The following OPCML variants were observed in gnomAD, a reference collection of about 807,000 sequenced individuals.
OPCML encodes the protein opioid binding protein/cell adhesion molecule like.
A neutral mutation model predicts 37.8 loss-of-function variants in OPCML; 13 were observed. The ratio of observed to expected loss-of-function variants is 0.34; its 90% CI spans 0.22 to 0.55. OPCML has a LOEUF of 0.55. Ranked by LOEUF, OPCML falls within the 20% of genes least tolerant of loss-of-function variation. OPCML has a pLI of 0.91. For synonymous variants in OPCML, 176 were observed against 168.8 expected, an observed-to-expected ratio of 1.04 and a Z score of -0.33; for missense variants, 341 against 435.6, an observed-to-expected ratio of 0.78 and a Z score of 1.93.
chr11:132,431,412 G>T (rs2095996485), intron 7 of OPCML, among the ~76,000 whole-genome samples: 1 of 152,212 alleles, frequency 6.6e-6, no homozygotes, highest in African/African-American at 2.4e-5. Flanking sequence ...TCCACATCGG[G>T]CCACTTTTCC....
chr11:132,592,111 G>A (rs1241462848), intron 3 of OPCML, among the ~76,000 whole-genome samples: 2 of 152,208 alleles, frequency 1.3e-5, no homozygotes, highest in African/African-American at 2.4e-5. Context: ...AAAGCTATAC[G>A]AAGAGCAATA....
chr11:132,982,131 C>A (rs191015916), intron 1 of OPCML, among the ~76,000 whole-genome samples: 7 of 152,148 alleles, frequency 4.6e-5, no homozygotes, highest in African/African-American at 1.7e-4. Flanking sequence ...CAGACCAATT[C>A]GGCTACTCTT....
intron 3 of OPCML, among the ~76,000 whole-genome samples, chr11:132,540,959 C>CG (rs971226919): frequency 1.3e-5 from 2 of 152,168 alleles, no homozygotes; most frequent in African/African-American, 4.8e-5. Flanking sequence ...TTCCTTTCCC[C>CG]CCCGACTTGT....
chr11:132,788,374 A>T (rs1407704828), intron 2 of OPCML, among the ~76,000 whole-genome samples: 1 of 152,022 alleles, frequency 6.6e-6, no homozygotes, highest in African/African-American at 2.4e-5. Flanking sequence ...AACTCCATCA[A>T]TTCTGTCTCC....
chr11:133,005,095 C>T, intron 1 of OPCML: 1 of 985,350 alleles, frequency 1.0e-6, no homozygotes, highest in Non-Finnish European at 1.2e-6. Context: ...TTCATGGCTT[C>T]CCATGAAGTT....
chr11:132,763,369 A>G (rs1287470132), intron 2 of OPCML, among the ~76,000 whole-genome samples: 5 of 152,190 alleles, frequency 3.3e-5, no homozygotes, highest in African/African-American at 1.2e-4. Context: ...ATATTAATAT[A>G]TTACAGGAGG....
At chr11:132,892,000 A>G (rs1387747542) in intron 2 of OPCML, among the ~76,000 whole-genome samples, 1 of 152,052 alleles carries the variant, frequency 6.6e-6, no homozygotes, top group Admixed American at 6.5e-5. Flanking sequence ...CACTGCATGG[A>G]TTTCCAGCTC....
At chr11:132,830,452 C>T (rs1940621440) in intron 2 of OPCML, among the ~76,000 whole-genome samples, 1 of 152,204 alleles carries the variant, frequency 6.6e-6, no homozygotes. Flanking sequence ...ATTTGATTAA[C>T]CAGCTCACAG....
chr11:133,032,008 T>A (rs1445064474), intron 1 of OPCML, among the ~76,000 whole-genome samples: 1 of 152,214 alleles, frequency 6.6e-6, no homozygotes, highest in Non-Finnish European at 1.5e-5. Flanking sequence ...GCCATTTATC[T>A]GGAGCTAAAT....
intron 1 of OPCML, among the ~76,000 whole-genome samples, chr11:133,494,191 G>C (rs927368440): frequency 6.6e-6 from 1 of 152,128 alleles, no homozygotes; most frequent in Non-Finnish European, 1.5e-5. Context: ...ACACCACTTA[G>C]AATGGCGATC....
chr11:132,971,290 T>C (rs1946338435), intron 1 of OPCML, among the ~76,000 whole-genome samples: 1 of 152,226 alleles, frequency 6.6e-6, no homozygotes, highest in South Asian at 2.1e-4. Flanking sequence ...AATTTCCCAA[T>C]GGCTTTCATA....
chr11:133,210,049 C>A (rs74820488), intron 1 of OPCML, among the ~76,000 whole-genome samples: 1 of 152,264 alleles, frequency 6.6e-6, no homozygotes, highest in East Asian at 1.9e-4. Flanking sequence ...CACACCTCTC[C>A]GTACGTGCTA....
chr11:132,873,101 A>G (rs1397022669), intron 2 of OPCML, among the ~76,000 whole-genome samples: 2 of 152,174 alleles, frequency 1.3e-5, no homozygotes, highest in Non-Finnish European at 1.5e-5. Flanking sequence ...GCTACCTTTC[A>G]GGCTGGGGTT....
At chr11:133,140,946 C>CGAAGACGACGAA (rs1491151678) in intron 1 of OPCML, among the ~76,000 whole-genome samples, 1 of 4,650 alleles carries the variant, frequency 2.2e-4, no homozygotes, top group African/African-American at 4.0e-4. Context: ...AAGAAGAAGA[C>CGAAGACGACGAA]GACGAAGAAG....
intron 1 of OPCML, among the ~76,000 whole-genome samples, chr11:133,207,602 A>G (rs1405063697): frequency 6.6e-6 from 1 of 152,210 alleles, no homozygotes; most frequent in African/African-American, 2.4e-5. Context: ...GGTTAGCAGA[A>G]CTAGATGACT....
intron 2 of OPCML, among the ~76,000 whole-genome samples, chr11:132,737,689 A>G (rs974899200): frequency 1.3e-5 from 2 of 152,178 alleles, no homozygotes; most frequent in Admixed American, 6.5e-5. Flanking sequence ...ACTTTTGAAC[A>G]ATTTCTTCAT....
chr11:133,366,698 C>T (rs1290060889), intron 1 of OPCML, among the ~76,000 whole-genome samples: 1 of 152,216 alleles, frequency 6.6e-6, no homozygotes, highest in Non-Finnish European at 1.5e-5. Context: ...TTAGCAGCAA[C>T]ACATTTTGCT....
chr11:133,406,553 C>T (rs1945530899), intron 1 of OPCML, among the ~76,000 whole-genome samples: 1 of 152,146 alleles, frequency 6.6e-6, no homozygotes, highest in Non-Finnish European at 1.5e-5. Context: ...TTGTAGGAGC[C>T]GAGCTTTCCC....
intron 2 of OPCML, among the ~76,000 whole-genome samples, chr11:132,737,168 A>T (rs1945287512): frequency 6.6e-6 from 1 of 152,208 alleles, no homozygotes; most frequent in East Asian, 1.9e-4. Flanking sequence ...ACTACAGGTT[A>T]GTGGTTTGCA....
Sources: gnomAD v4.1 joint callset for allele counts (sites outside exome capture counted in the v4.1 genomes callset) on GRCh38, gnomAD v4.1.1 for gene constraint, MANE v1.5 for transcripts, NCBI Gene and HGNC (gene_info 2026-07-23, HGNC 2026-07-21) for gene names.